The following IARS1 variants were observed in gnomAD, a reference collection of about 807,000 sequenced individuals.
IARS1 encodes isoleucyl-tRNA synthetase 1.
A neutral mutation model predicts 168.2 loss-of-function variants in IARS1; 124 were observed. That is an observed-to-expected ratio of 0.74 (90% CI 0.64 to 0.86). IARS1 has a LOEUF of 0.86. IARS1 is among the 40% of genes least tolerant of loss of function. The probability of loss-of-function intolerance (pLI) is 0.00; values close to 1 mark genes in which losing one functional copy is unlikely to be tolerated. For missense variants in IARS1, 1,452 were observed against 1,515.8 expected (o/e 0.96, Z 0.70); for synonymous variants, 532 against 529.4 (o/e 1.00, Z -0.07).
At chr9:92,265,653 A>AT in intron 14 of IARS1, 100 bp from the exon 15 acceptor site, 1 of 975,264 alleles carries the variant, frequency 1.0e-6, no homozygotes, top group Non-Finnish European at 1.6e-6. Flanking sequence ...GAGACTGATG[A>AT]TTTTCTTTTT....
chr9:92,280,374 T>C lies in IARS1; in HGVS notation c.745+372A>G, dbSNP rs577050561. On this transcript the variant is annotated intron_variant, in intron 7 of 33. Transcript: ENST00000443024. ...AGGCCCTCGTTGAGACTGGTAACTC[T>C]CTACCAGGGGACATTTGAAAGGCAA... 2.5e-3 allele frequency among the ~76,000 whole-genome samples: 374 copies of C among 152,342 alleles called. 1 individual carries two copies. Among genetic ancestry groups the C allele is most frequent in the Non-Finnish European group, 4.1e-3 (281 of 68,030 alleles).
intron 25 of IARS1, among the ~76,000 whole-genome samples, chr9:92,248,119 C>T (rs1416986297): frequency 1.3e-5 from 2 of 152,150 alleles, no homozygotes; most frequent in African/African-American, 4.8e-5. Flanking sequence ...GAAATATAAA[C>T]CTCATCCCTC....
Position 92,278,078 on chromosome 9 carries a change from T to C in IARS1, c.833+121A>G, listed in dbSNP as rs1386547107. 10 of 1,026,392 alleles carry C rather than the reference T, an allele frequency of 9.7e-6. No individual in the cohort carries two copies. In the Admixed American group the frequency reaches 1.1e-4, roughly 12 times the overall value. 63.6% of individuals were successfully genotyped at this position (1,026,392 alleles called of 1,614,324 possible). On this transcript the variant is annotated intron_variant, in intron 8 of 33. Coordinates refer to ENST00000443024, the MANE Select transcript of IARS1 (RefSeq NM_002161.6). Reference sequence around the variant, plus strand: ...TGCAAAGTACTTAGTATAGTATTAGTACTTAAAACTAAATTTGAATAATGC... The same window carrying C: ...TGCAAAGTACTTAGTATAGTATTAGCACTTAAAACTAAATTTGAATAATGC...
At position 92,269,978 on chromosome 9, in the gene IARS1, T is replaced by A. The variant is rs1832786506; in HGVS notation, c.1211A>T (p.Asp404Val). ...THSYPFCWRS[D>V]TPLIYKAVPS... is the part of the protein sequence containing the mutation. The stretch of plus-strand genomic sequence containing the variant: ...CACTGCTTTGTAAATTAGAGGAGTG[T>A]CTGATCTGGGGAAGCAGAAACACAC... The change falls in exon 13 of 34, where the codon GAC (aspartate) becomes GTC (valine). Residue 404 changes from aspartate to valine, a missense_variant. By Grantham distance (152) the Asp-to-Val change is radical (BLOSUM62 -3). Transcript: ENST00000443024. 6.2e-7 allele frequency: 1 copy of A among 1,611,092 alleles called. No homozygotes were observed. Among genetic ancestry groups the A allele is most frequent in the Non-Finnish European group, 8.5e-7 (1 of 1,177,472 alleles).
Position 92,286,568 on chromosome 9 carries a change from T to A in IARS1, c.447A>T (p.Lys149Asn). The A allele has an allele frequency of 3.1e-6, 5 of 1,600,320 alleles. No individual in the cohort carries two copies. Among genetic ancestry groups the A allele is most frequent in the Non-Finnish European group, 4.3e-6 (5 of 1,167,702 alleles). ...GRWIDFDNDYKTLYPQFMESV... is the reference protein window; with the variant it reads ...GRWIDFDNDYNTLYPQFMESV... ...ATTCCATGAATTGTGGATACAGAGT[T>A]TTATAGTCATTGTCAAAGTCAATCC... The change falls in exon 5 of 34, where the codon AAA becomes AAT. Residue 149 changes from lysine to asparagine, a missense_variant. Transcript: ENST00000443024.
chr9:92,222,362 A>T (rs943461535), intron 33 of IARS1, among the ~76,000 whole-genome samples, 158 bp downstream of exon 33: 2 of 150,356 alleles, frequency 1.3e-5, no homozygotes, highest in African/African-American at 4.9e-5. Context: ...AAAAAAAAAA[A>T]AAAGAAAAGA....
In IARS1 at chr9:92,247,148, C is replaced by T. The variant is rs188319188; in HGVS notation, c.2791+229G>A. Among the ~76,000 whole-genome samples the T allele has an allele frequency of 1.1e-3, 173 of 152,092 alleles. 1 individual carries two copies. The highest frequency in any genetic ancestry group is 4.0e-3 in the African/African-American group (165 of 41,480). On this transcript the variant is annotated intron_variant, in intron 26 of 33. Transcript: ENST00000443024. ...GGCAGAGGTTGCAGTGAGCCAAGAT[C>T]GCGCCACTGTGCTCCAGGATGGATG...
Position 92,246,847 on chromosome 9 carries a change from G to A in IARS1, c.2791+530C>T, listed in dbSNP as rs138414306. Among the ~76,000 whole-genome samples the A allele has an allele frequency of 8.0e-3, 1,221 of 152,158 alleles. 17 individuals carry two copies. Among genetic ancestry groups the A allele is most frequent in the African/African-American group, 0.027 (1,142 of 41,532 alleles). ...TGCCCAGCTATTTTCTTTCTAAACT[G>A]TAAGAATTATTTATAATAAACATTT... On this transcript the variant is annotated intron_variant, in intron 26 of 33. Transcript: ENST00000443024.
At chr9:92,277,832 G>A (rs1353433109) in intron 9 of IARS1, 31 bp downstream of exon 9, 14 of 1,587,140 alleles carry the variant, frequency 8.8e-6, no homozygotes, top group East Asian at 4.5e-5. Context: ...AGATTGTGGA[G>A]AGCGCCCACA....
At chr9:92,222,787 G>T in intron 32 of IARS1, 115 bp from the exon 33 acceptor site, 1 of 952,492 alleles carries the variant, frequency 1.0e-6, no homozygotes, top group Non-Finnish European at 1.6e-6. Flanking sequence ...AGTGCGTCCA[G>T]GAGCGTGAGT....
At chr9:92,282,580 G>T (rs1331288834) in intron 6 of IARS1, among the ~76,000 whole-genome samples, 1 of 151,910 alleles carries the variant, frequency 6.6e-6, no homozygotes, top group Non-Finnish European at 1.5e-5. Flanking sequence ...AGACCAGCTG[G>T]GGCAATATGG....
At chr9:92,240,805 C>T (rs987846944) in intron 30 of IARS1, 51 bp downstream of exon 30, 3 of 1,086,344 alleles carry the variant, frequency 2.8e-6, no homozygotes, top group Middle Eastern at 2.0e-4. Context: ...TTTTTCACAT[C>T]CATAAGTATA....
At chr9:92,228,016 A>G (rs1826035129) in intron 31 of IARS1, among the ~76,000 whole-genome samples, 1 of 152,164 alleles carries the variant, frequency 6.6e-6, no homozygotes, top group Non-Finnish European at 1.5e-5. Flanking sequence ...GCGAGCTGAG[A>G]TCACGCCACT....
intron 5 of IARS1, chr9:92,286,116 G>A (rs761020085): frequency 3.2e-5 from 11 of 340,600 alleles, no homozygotes; most frequent in East Asian, 1.1e-4. Context: ...GTCTGTAATC[G>A]TAGCACTTTG....
intron 30 of IARS1, among the ~76,000 whole-genome samples, chr9:92,238,054 C>T (rs1338312948): frequency 6.6e-6 from 1 of 152,038 alleles, no homozygotes; most frequent in African/African-American, 2.4e-5. Flanking sequence ...TATAGGCGCC[C>T]GCCACCAAGC....
chr9:92,224,208 G>C (rs1442599573), intron 31 of IARS1, among the ~76,000 whole-genome samples: 1 of 152,240 alleles, frequency 6.6e-6, no homozygotes, highest in East Asian at 1.9e-4. Flanking sequence ...AGGGCTTGCT[G>C]TGTAGGGCTT....
chr9:92,227,594 GCGGAGGGGCTCCTC>G (rs1450776542), intron 31 of IARS1, among the ~76,000 whole-genome samples: 9 of 151,282 alleles, frequency 5.9e-5, no homozygotes, highest in African/African-American at 9.7e-5. Context: ...CGGCTGCCGG[GCGGAGGGGCTCCTC>G]ACTTCTCAGA....
intron 31 of IARS1, 92 bp downstream of exon 31, chr9:92,228,909 C>G (rs1003573877): frequency 1.1e-5 from 17 of 1,485,446 alleles, no homozygotes; most frequent in African/African-American, 4.2e-5. Flanking sequence ...AGGAAAAATG[C>G]AAAAGTTGTA....
rs912091027 is a variant in IARS1 at position 92,229,051 on chromosome 9, C to G, written c.3359G>C (p.Ser1120Thr). ...DLLKLKSVVT[S>T]IFGVKNTELA... ...CTCTGTATTTTTCACACCAAAAATG[C>G]TAGTGACAACACTCTTCAGCTTTAA... The change falls in exon 31 of 34, where the codon AGC (serine) becomes ACC (threonine). Residue 1120 changes from serine to threonine, a missense_variant. Physicochemically the swap from Ser to Thr is moderately conservative, Grantham distance 58. Coordinates refer to ENST00000443024, the MANE Select transcript of IARS1 (RefSeq NM_002161.6). 6.2e-7 allele frequency: 1 copy of G among 1,614,092 alleles called. No individual in the cohort carries two copies.
Sources: gnomAD v4.1 joint callset for allele counts (sites outside exome capture counted in the v4.1 genomes callset) on GRCh38, gnomAD v4.1.1 for gene constraint, MANE v1.5 for transcripts, NCBI Gene and HGNC (gene_info 2026-07-23, HGNC 2026-07-21) for gene names.